Variants in PCDHGC3 observed in about 807,000 individuals in gnomAD.
PCDHGC3 encodes the protein protocadherin gamma subfamily C, 3.
In PCDHGC3, 26 loss-of-function variants were observed where a neutral mutation model predicts 59.2. The observed-to-expected ratio is 0.44, with a 90% CI of 0.32 to 0.61. The LOEUF is 0.61. Among genes scored for constraint, PCDHGC3 ranks in the 20% least tolerant of loss-of-function variants. PCDHGC3 has a pLI of 0.05. For synonymous variants in PCDHGC3, 487 were observed against 519.7 expected (o/e 0.94, Z 0.86); for missense variants, 1,080 against 1,221.8 (o/e 0.88, Z 1.73).
chr5:141,487,818 G>T lies in PCDHGC3; in HGVS notation c.2431-6989G>T, dbSNP rs1009237001. The T allele has an allele frequency of 1.2e-5, 16 of 1,331,602 alleles. No homozygotes were observed. Among genetic ancestry groups the T allele is most frequent in the Non-Finnish European group, 1.4e-5 (14 of 970,528 alleles). The allele number at this position is 1,331,602 out of a possible 1,614,324, so 82.5% of individuals were successfully genotyped here. On this transcript the variant is annotated intron_variant, in intron 1 of 3. Transcript: ENST00000308177. This position sits in a 1 kb window ranked among gnomAD's most constrained non-coding sequence, Gnocchi z 5.0. Reference sequence around the variant, plus strand: ...GAGTTGTCACAGTTTAGCATTGGGGGCGGGTCATGCCTATATCTGAGTAAG... The same window carrying T: ...GAGTTGTCACAGTTTAGCATTGGGGTCGGGTCATGCCTATATCTGAGTAAG...
rs1333419586 is a variant in PCDHGC3 at position 141,485,206 on chromosome 5, C to T, written c.2430+6660C>T. 1 of 1,614,116 alleles carries T rather than the reference C, an allele frequency of 6.2e-7. No individual in the cohort carries two copies. The highest frequency in any genetic ancestry group is 8.5e-7 in the Non-Finnish European group (1 of 1,179,946). ...GCAAGGTGAGAAGCTGGACAGAAAT[C>T]TGGCGGTGGGCTACCCTTTTGTTCC... On this transcript the variant is annotated intron_variant, in intron 1 of 3. Coordinates refer to ENST00000308177, the MANE Select transcript of PCDHGC3 (RefSeq NM_002588.4). The surrounding 1 kb of genome is among the most constrained non-coding windows in gnomAD (Gnocchi z 5.7).
Position 141,491,045 on chromosome 5 carries a change from A to G in PCDHGC3, c.2431-3762A>G, listed in dbSNP as rs1452139285. 2 of 1,613,970 alleles carry G rather than the reference A, an allele frequency of 1.2e-6. No individual in the cohort carries two copies. The highest frequency in any genetic ancestry group is 1.1e-5 in the South Asian group (1 of 91,090). On this transcript the variant is annotated intron_variant, in intron 1 of 3. Coordinates refer to ENST00000308177, the MANE Select transcript of PCDHGC3 (RefSeq NM_002588.4). This position sits in a 1 kb window ranked among gnomAD's most constrained non-coding sequence, Gnocchi z 6.9. ...GCCGTGGATGCTGATGCAGGCCACA[A>G]TGCGTGGCTCTCCTACTCACTGTTG...
chr5:141,505,326 G>A, intron 2 of PCDHGC3, 67 bp from the exon 3 acceptor site: 2 of 1,607,648 alleles, frequency 1.2e-6, no homozygotes, highest in East Asian at 2.2e-5. Context: ...AGCCCTGGGA[G>A]AGGACAGGAG....
chr5:141,497,573 T>C (rs1231425210), intron 2 of PCDHGC3, among the ~76,000 whole-genome samples: 1 of 149,502 alleles, frequency 6.7e-6, no homozygotes, highest in South Asian at 2.1e-4. Context: ...AGAGTCTTGC[T>C]CTGTTGCCCA....
chr5:141,511,342 C>T lies in PCDHGC3; in HGVS notation c.*169C>T. On this transcript the variant is annotated 3_prime_UTR_variant, in exon 4 of 4. Transcript: ENST00000308177. The stretch of plus-strand genomic sequence containing the variant: ...AACAAGTGCCCAGTCAGCACCTACC[C>T]CTTCCCCCCCAGGGGGTTGAATATG... The T allele has an allele frequency of 7.0e-7, 1 of 1,425,078 alleles. No individual in the cohort carries two copies. Among genetic ancestry groups the T allele is most frequent in the East Asian group, 2.5e-5 (1 of 40,014 alleles). 88.3% of individuals were successfully genotyped at this position (1,425,078 alleles called of 1,614,324 possible). A position where few individuals can be genotyped will look rare whatever the true frequency, so the allele number is the denominator to read the frequency against.
intron 2 of PCDHGC3, 143 bp from the exon 3 acceptor site, chr5:141,505,250 T>C: frequency 2.8e-6 from 4 of 1,439,476 alleles, no homozygotes; most frequent in Non-Finnish European, 9.3e-7. Flanking sequence ...ATTGTAGAAG[T>C]GCCTCCTACC....
At chr5:141,505,127 A>C (rs926566427) in intron 2 of PCDHGC3, among the ~76,000 whole-genome samples, 1 of 152,158 alleles carries the variant, frequency 6.6e-6, no homozygotes, top group Non-Finnish European at 1.5e-5. Context: ...GCGCCACTGC[A>C]CTCCAGCCTG....
At chr5:141,494,305 C>T (rs544773836) in intron 1 of PCDHGC3, among the ~76,000 whole-genome samples, 1 of 152,346 alleles carries the variant, frequency 6.6e-6, no homozygotes, top group East Asian at 1.9e-4. Context: ...GAATGTGTCA[C>T]TGCACAACCT....
In PCDHGC3 at chr5:141,500,527, A is replaced by C. The variant is rs937551961; in HGVS notation, c.2490-4866A>C. On this transcript the variant is annotated intron_variant, in intron 2 of 3. Transcript: ENST00000308177. ...CCTGGCCGAGCTTCATTTTAAAAAA[A>C]TCTCATTCACCTAAATAAGTTGTTC... is the stretch of plus-strand genomic sequence containing the variant. 5.9e-5 allele frequency among the ~76,000 whole-genome samples: 9 copies of C among 152,298 alleles called. No individual in the cohort carries two copies. The South Asian group carries it at 6.2e-4, about 11-fold the overall frequency.
At chr5:141,497,983 C>T (rs2099780927) in intron 2 of PCDHGC3, among the ~76,000 whole-genome samples, 1 of 152,168 alleles carries the variant, frequency 6.6e-6, no homozygotes, top group African/African-American at 2.4e-5. Context: ...GTGGGAGGCC[C>T]CTGCCCTCAA....
In PCDHGC3 at chr5:141,491,534, G is replaced by A. The variant is rs376996144; in HGVS notation, c.2431-3273G>A. On this transcript the variant is annotated intron_variant, in intron 1 of 3. Coordinates refer to ENST00000308177, the MANE Select transcript of PCDHGC3 (RefSeq NM_002588.4). This position sits in a 1 kb window ranked among gnomAD's most constrained non-coding sequence, Gnocchi z 6.9. The stretch of plus-strand genomic sequence containing the variant: ...CTCAAGTACATGGAGGTGACGCTGC[G>A]GCCCACAGACTCGCAGAGCCACTGC... The A allele has an allele frequency of 6.2e-7, 1 of 1,614,030 alleles. No homozygotes were observed. The highest frequency in any genetic ancestry group is 8.5e-7 in the Non-Finnish European group (1 of 1,180,028).
chr5:141,487,391 A>C lies in PCDHGC3; in HGVS notation c.2431-7416A>C. 1 of 1,614,090 alleles carries C rather than the reference A, an allele frequency of 6.2e-7. No homozygotes were observed. The highest frequency in any genetic ancestry group is 1.1e-5 in the South Asian group (1 of 91,078). ...TGCCTGTCTCACCAGATCTCGAAGG[A>C]GGGAGGGGCTTCCCCCTTCCAATGG... On this transcript the variant is annotated intron_variant, in intron 1 of 3. Transcript: ENST00000308177. The surrounding 1 kb of genome is among the most constrained non-coding windows in gnomAD (Gnocchi z 5.0).
chr5:141,483,472 T>C (rs1457039859), intron 1 of PCDHGC3, among the ~76,000 whole-genome samples: 2 of 152,076 alleles, frequency 1.3e-5, no homozygotes, highest in Non-Finnish European at 2.9e-5. Flanking sequence ...TGACATGATA[T>C]AGGAAGTGAG....
chr5:141,510,307 G>C (rs1250172295), intron 3 of PCDHGC3, among the ~76,000 whole-genome samples: 1 of 151,446 alleles, frequency 6.6e-6, no homozygotes, highest in African/African-American at 2.4e-5. Context: ...TTTTGAAATG[G>C]AGGCTTGGAA....
chr5:141,492,398 C>T (rs1347317333), intron 1 of PCDHGC3, among the ~76,000 whole-genome samples: 2 of 152,244 alleles, frequency 1.3e-5, no homozygotes, highest in Non-Finnish European at 1.5e-5. Flanking sequence ...CCACTCGCAG[C>T]TCCCCTCTGC....
rs778372966 is a variant in PCDHGC3, at chr5:141,477,105, A to G, written c.989A>G (p.Asn330Ser). The G allele has an allele frequency of 7.4e-6, 12 of 1,614,106 alleles. No individual in the cohort carries two copies. The highest frequency in any genetic ancestry group is 4.0e-5 in the African/African-American group (3 of 74,934). The change falls in exon 1 of 4, where the codon AAT becomes AGT. Residue 330 changes from asparagine (N) to serine (S), a missense_variant. Transcript: ENST00000308177. This position sits in a 1 kb window ranked among gnomAD's most constrained non-coding sequence, Gnocchi z 4.9. ...IYIQAKDKGANPEGAHCKVLV... is the reference protein window; with the variant it reads ...IYIQAKDKGASPEGAHCKVLV... ...ATCCAGGCCAAAGACAAGGGCGCCA[A>G]TCCCGAAGGAGCACATTGCAAAGTG...
At chr5:141,504,570 AC>A (rs1468526948) in intron 2 of PCDHGC3, among the ~76,000 whole-genome samples, 1 of 148,874 alleles carries the variant, frequency 6.7e-6, no homozygotes, top group Admixed American at 6.9e-5. Flanking sequence ...ATTCTAGGGA[AC>A]ACCATCTGCC....
chr5:141,498,042 A>G (rs1189035278), intron 2 of PCDHGC3, among the ~76,000 whole-genome samples: 2 of 152,238 alleles, frequency 1.3e-5, no homozygotes, highest in Non-Finnish European at 2.9e-5. Flanking sequence ...AATAATTACA[A>G]AAATAAATGT....
Position 141,477,932 on chromosome 5 carries a change from C to T in PCDHGC3, c.1816C>T (p.Leu606Phe). 1 of 1,614,158 alleles carries T rather than the reference C, an allele frequency of 6.2e-7. No homozygotes were observed. The highest frequency in any genetic ancestry group is 8.5e-7 in the Non-Finnish European group (1 of 1,180,034). ...WDADAGHNAW[L>F]SYSLLGSPNQ... ...CGCGGATGCAGGGCACAATGCCTGGCTCTCCTACAGTCTCTTGGGATCCCC... is the reference window on the plus strand; with the variant it reads ...CGCGGATGCAGGGCACAATGCCTGGTTCTCCTACAGTCTCTTGGGATCCCC... The change falls in exon 1 of 4, where the codon CTC becomes TTC. Residue 606 changes from leucine (L) to phenylalanine (F), a missense_variant. Physicochemically the swap from Leu to Phe is conservative, Grantham distance 22. Coordinates refer to ENST00000308177, the MANE Select transcript of PCDHGC3 (RefSeq NM_002588.4). This position sits in a 1 kb window ranked among gnomAD's most constrained non-coding sequence, Gnocchi z 4.9.
Sources: gnomAD v4.1 joint callset for allele counts (sites outside exome capture counted in the v4.1 genomes callset) on GRCh38, gnomAD v4.1.1 for gene constraint, Gnocchi (gnomAD v3.1) non-coding constraint, MANE v1.5 for transcripts, NCBI Gene and HGNC (gene_info 2026-07-23, HGNC 2026-07-21) for gene names.